The following TSC22D3 variants were observed in gnomAD, a reference collection of about 807,000 sequenced individuals.
TSC22D3 encodes TSC22 domain family protein 3.
A neutral mutation model predicts 11.1 loss-of-function variants in TSC22D3; 4 were observed. The observed-to-expected ratio is 0.36, with a 90% CI of 0.18 to 0.83. The LOEUF (loss-of-function observed/expected upper bound fraction) is 0.83, where lower values mean the gene tolerates loss of function less well. Among genes scored for constraint, TSC22D3 ranks in the 40% least tolerant of loss-of-function variants. The pLI, the probability that TSC22D3 is intolerant of heterozygous loss-of-function variation, is 0.48. For missense variants in TSC22D3, 118 were observed against 159.4 expected (o/e 0.74, Z 1.40); for synonymous variants, 77 against 70.3 (o/e 1.10, Z -0.48).
At chrX:107,745,657 C>T (rs1038690899) in intron 1 of TSC22D3, among the ~76,000 whole-genome samples, 3 of 112,429 alleles carry the variant, frequency 2.7e-5, no homozygotes, top group African/African-American at 9.7e-5. Context: ...AAGTAGCCTG[C>T]GACCTATATT....
chrX:107,761,430 C>A (rs781702146), intron 1 of TSC22D3, among the ~76,000 whole-genome samples: 89 of 112,816 alleles, frequency 7.9e-4, no homozygotes, highest in Non-Finnish European at 1.4e-3. Flanking sequence ...CTAGAATATA[C>A]CAGGAAAGCC....
intron 1 of TSC22D3, among the ~76,000 whole-genome samples, chrX:107,762,247 A>T (rs1279199395): frequency 9.0e-6 from 1 of 111,588 alleles, no homozygotes; most frequent in Non-Finnish European, 1.9e-5. Context: ...GTGTGCTCTA[A>T]AATTGTTAAA....
At chrX:107,734,878 T>TAAAAAAAAAAAAAAAAAAAAAAA (rs781386272) in intron 1 of TSC22D3, among the ~76,000 whole-genome samples, 1 of 37,282 alleles carries the variant, frequency 2.7e-5, no homozygotes, top group African/African-American at 1.4e-4. Flanking sequence ...CAACTCTACG[T>TAAAAAAAAAAAAAAAAAAAAAAA]AAAAAAAAAA....
At chrX:107,740,347 G>C (rs1928341215) in intron 1 of TSC22D3, among the ~76,000 whole-genome samples, 1 of 111,842 alleles carries the variant, frequency 8.9e-6, no homozygotes, top group African/African-American at 3.2e-5. Flanking sequence ...ACTTTGGGAG[G>C]CCGAGGCGGG....
At chrX:107,733,927 C>T (rs1424300590) in intron 1 of TSC22D3, among the ~76,000 whole-genome samples, 1 of 111,959 alleles carries the variant, frequency 8.9e-6, no homozygotes, top group Non-Finnish European at 1.9e-5. Context: ...GTCTGCTCTT[C>T]CCACCCATTT....
At position 107,723,214 on chromosome X, in the gene TSC22D3, T is replaced by A. The variant is rs748295843; in HGVS notation, c.321-7264A>T. ...GCAGCAGCACGAAACTTAGGGTTTC[T>A]GTGGGATCTACCACTCCTTTAACAT... On this transcript the variant is annotated intron_variant, in intron 1 of 2. Coordinates refer to ENST00000372383, the MANE Select transcript of TSC22D3 (RefSeq NM_198057.3). Among the ~76,000 whole-genome samples the A allele has an allele frequency of 4.1e-4, 46 of 111,693 alleles. 1 individual carries two copies. Among genetic ancestry groups the A allele is most frequent in the Non-Finnish European group, 7.4e-4 (39 of 53,049 alleles).
chrX:107,749,763 C>G (rs987727369), intron 1 of TSC22D3, among the ~76,000 whole-genome samples: 6 of 111,807 alleles, frequency 5.4e-5, no homozygotes, highest in African/African-American at 9.8e-5. Flanking sequence ...AGCAGGAGCC[C>G]TTGCTTAACA....
chrX:107,774,814 C>T, intron 1 of TSC22D3: 1 of 378,423 alleles, frequency 2.6e-6, no homozygotes. Flanking sequence ...GGAGCGGGTA[C>T]TTTCAGCTAC....
At chrX:107,750,615 G>A (rs772508978) in intron 1 of TSC22D3, among the ~76,000 whole-genome samples, 15 of 111,313 alleles carry the variant, frequency 1.3e-4, no homozygotes, top group Non-Finnish European at 2.3e-4. Flanking sequence ...GAGAGGGGGC[G>A]GCTGAGAACA....
intron 1 of TSC22D3, 118 bp from the exon 2 acceptor site, chrX:107,716,068 C>T: frequency 2.4e-6 from 2 of 842,352 alleles, no homozygotes; most frequent in East Asian, 6.6e-5. Flanking sequence ...TCCTTCTCGC[C>T]TCCCTGGCCC....
intron 1 of TSC22D3, among the ~76,000 whole-genome samples, chrX:107,722,560 T>C (rs973476575): frequency 8.9e-6 from 1 of 112,350 alleles, no homozygotes; most frequent in Non-Finnish European, 1.9e-5. Flanking sequence ...GAAGTATTTA[T>C]TGGCGACTTA....
At chrX:107,716,915 A>G in intron 1 of TSC22D3, 1 of 1,152,175 alleles carries the variant, frequency 8.7e-7, no homozygotes, top group Non-Finnish European at 1.2e-6. Flanking sequence ...TCTGCGCTGG[A>G]GTCCGGCCCT....
chrX:107,768,967 T>G (rs1242204176), intron 1 of TSC22D3, among the ~76,000 whole-genome samples: 1 of 112,718 alleles, frequency 8.9e-6, no homozygotes. Context: ...ACTTTGTAGC[T>G]TTCTCTTCGT....
rs1451506993 is a variant in TSC22D3, at chrX:107,742,316, AGAGT to A, written c.321-26370_321-26367del. On this transcript the variant is annotated intron_variant, in intron 1 of 2. Transcript: ENST00000372383. ...GAGAGAGAGAGAGAGAGAGAGAGAGAGAGTGTGTGTGCGCGCGCGCGCGGTGTTT... is the reference window on the plus strand; with the variant it reads ...GAGAGAGAGAGAGAGAGAGAGAGAGAGTGTGTGCGCGCGCGCGCGGTGTTT... 1.9e-3 allele frequency among the ~76,000 whole-genome samples: 96 copies of A among 49,964 alleles called. 1 individual carries two copies. The highest frequency in any genetic ancestry group is 6.6e-3 in the African/African-American group (68 of 10,257). The allele number at this position is 49,964 out of a possible 115,157, so 43.4% of individuals were successfully genotyped here. A position where few individuals can be genotyped will look rare whatever the true frequency, so the allele number is the denominator to read the frequency against.
chrX:107,723,275 G>A, intron 1 of TSC22D3, among the ~76,000 whole-genome samples: 1 of 112,173 alleles, frequency 8.9e-6, no homozygotes, highest in East Asian at 2.8e-4. Flanking sequence ...CTCTCACCCT[G>A]ATTCCCTTCC....
intron 1 of TSC22D3, among the ~76,000 whole-genome samples, chrX:107,720,103 A>G (rs1443171734): frequency 2.7e-5 from 3 of 110,206 alleles, no homozygotes; most frequent in Non-Finnish European, 5.7e-5. Flanking sequence ...AGCCCCACTC[A>G]CCGGCAACTC....
intron 1 of TSC22D3, among the ~76,000 whole-genome samples, chrX:107,762,846 CTTTTTTTTTTTTT>C (rs1170456785): frequency 8.9e-5 from 4 of 44,800 alleles, no homozygotes; most frequent in African/African-American, 3.3e-4. Context: ...TGCACATGTA[CTTTTTTTTTTTTT>C]TTTTTTTTTT....
intron 1 of TSC22D3, among the ~76,000 whole-genome samples, chrX:107,765,917 G>T (rs1929634140): frequency 8.9e-6 from 1 of 111,844 alleles, no homozygotes; most frequent in Non-Finnish European, 1.9e-5. Context: ...GCTTGTCCAA[G>T]AACTTATGAG....
In TSC22D3 at chrX:107,714,312, G is replaced by T. The variant is rs1926892053; in HGVS notation, c.*207C>A. On this transcript the variant is annotated 3_prime_UTR_variant, in exon 3 of 3. Coordinates refer to ENST00000372383, the MANE Select transcript of TSC22D3 (RefSeq NM_198057.3). ...CTGGCTTGGTGTTACTAGGCCCCAT[G>T]CAACTCAGCCTCCAGAGACCTGCTC... The T allele has an allele frequency of 4.8e-6, 2 of 418,406 alleles. No homozygotes were observed. The allele number at this position is 418,406 out of a possible 1,213,427, so 34.5% of individuals were successfully genotyped here.
Sources: allele counts gnomAD v4.1 joint callset (sites outside exome capture counted in the v4.1 genomes callset), GRCh38; gene constraint gnomAD v4.1.1; transcripts MANE v1.5; gene names NCBI Gene and HGNC (gene_info 2026-07-23, HGNC 2026-07-21).